The following YIF1B variants were observed in gnomAD, a reference collection of about 807,000 sequenced individuals.
YIF1B encodes Yip1 interacting factor homolog B, membrane trafficking protein, also known as protein YIF1B.
Under a neutral mutation model 34.6 loss-of-function variants are expected in YIF1B, and 24 were observed. That is an observed-to-expected ratio of 0.69 (90% CI 0.50 to 0.98). YIF1B has a LOEUF of 0.98. YIF1B is among the 50% of genes least tolerant of loss of function. The probability of loss-of-function intolerance (pLI) is 0.00; values close to 1 mark genes in which losing one functional copy is unlikely to be tolerated. For synonymous variants in YIF1B, 186 were observed against 184.8 expected, an observed-to-expected ratio of 1.01 and a Z score of -0.05; for missense variants, 368 against 429.4, an observed-to-expected ratio of 0.86 and a Z score of 1.26.
In YIF1B at chr19:38,305,312, CCAG is replaced by C. The variant is rs759589096; in HGVS notation, c.*37_*39del. 1,360 of 1,540,234 alleles carry C rather than the reference CCAG, an allele frequency of 8.8e-4. No individual in the cohort carries two copies. Among genetic ancestry groups the C allele is most frequent in the South Asian group, 2.5e-3 (208 of 82,432 alleles). On this transcript the variant is annotated 3_prime_UTR_variant, in exon 8 of 8. Transcript: ENST00000339413. ...ATGAGTTCGGCGGCCACAGTGGCCC[CCAG>C]CAGCAGCAGCAGCAGCGGGAGGTTC...
chr19:38,304,446 A>G lies in YIF1B; in HGVS notation c.*906T>C. The G allele has an allele frequency of 1.3e-6, 2 of 1,559,040 alleles. No homozygotes were observed. Among genetic ancestry groups the G allele is most frequent in the Non-Finnish European group, 1.7e-6 (2 of 1,152,036 alleles). ...GGGAGATCCCAAGCTCAGTCCCCACAAAGTTCAGGGCCGGTCGGAGGCAGG... is the reference window on the plus strand; with the variant it reads ...GGGAGATCCCAAGCTCAGTCCCCACGAAGTTCAGGGCCGGTCGGAGGCAGG... On this transcript the variant is annotated 3_prime_UTR_variant, in exon 8 of 8. Transcript: ENST00000339413.
At chr19:38,320,151 G>A (rs1969632331), upstream of YIF1B, 1 of 1,595,554 alleles carries the variant, frequency 6.3e-7, no homozygotes, top group Non-Finnish European at 8.5e-7. Context: ...AGCGAGTGCT[G>A]GCGGCCGGAC....
chr19:38,308,198 G>A (rs1414188965), intron 5 of YIF1B, among the ~76,000 whole-genome samples: 1 of 152,198 alleles, frequency 6.6e-6, no homozygotes. Context: ...GGGGCAGGAA[G>A]GCTTCCCGGA....
At chr19:38,315,663 T>C (rs1969516659) in intron 1 of YIF1B, 197 bp downstream of exon 1, 3 of 1,585,748 alleles carry the variant, frequency 1.9e-6, no homozygotes, top group East Asian at 2.3e-5. Flanking sequence ...CAGTCCCAAG[T>C]TGTTTTCTTC....
At chr19:38,315,697 C>T (rs1005056056) in intron 1 of YIF1B, 163 bp downstream of exon 1, 1 of 1,606,128 alleles carries the variant, frequency 6.2e-7, no homozygotes, top group Admixed American at 1.7e-5. Context: ...TAAAGAATCG[C>T]CCCCCAAGGG....
upstream of YIF1B, among the ~76,000 whole-genome samples, chr19:38,317,495 A>G (rs996057000): frequency 6.6e-6 from 1 of 151,060 alleles, no homozygotes; most frequent in Non-Finnish European, 1.5e-5. Flanking sequence ...GGGCTCCAAC[A>G]CCATTTTCTC....
chr19:38,314,281 A>G (rs1221571711), intron 1 of YIF1B, among the ~76,000 whole-genome samples: 2 of 135,064 alleles, frequency 1.5e-5, no homozygotes, highest in Non-Finnish European at 1.6e-5. Context: ...TGCACCCTCC[A>G]CCTCCCAGGT....
chr19:38,309,083 A>C, intron 3 of YIF1B, 26 bp from the exon 4 acceptor site: 1 of 1,553,112 alleles, frequency 6.4e-7, no homozygotes, highest in Non-Finnish European at 8.7e-7. Context: ...GACGGGCAGG[A>C]CCCTCAGAGC....
upstream of YIF1B, among the ~76,000 whole-genome samples, chr19:38,318,230 T>G (rs963239536): frequency 1.3e-4 from 19 of 141,226 alleles, no homozygotes; most frequent in Admixed American, 1.1e-3. Context: ...AGCAAGTTCA[T>G]TAGTTCATTG....
At chr19:38,313,660 A>G (rs1185730827) in intron 1 of YIF1B, among the ~76,000 whole-genome samples, 1 of 152,246 alleles carries the variant, frequency 6.6e-6, no homozygotes, top group Non-Finnish European at 1.5e-5. Flanking sequence ...TAGGCCCTGC[A>G]TGACCCACTC....
upstream of YIF1B, chr19:38,320,172 G>A (rs372657213): frequency 2.5e-6 from 4 of 1,599,296 alleles, no homozygotes; most frequent in Admixed American, 5.0e-5. Flanking sequence ...GGCTGGGGCG[G>A]GTCGTGCTTG....
upstream of YIF1B, among the ~76,000 whole-genome samples, chr19:38,318,193 CAAAAAAAAA>C (rs35748833): frequency 2.3e-4 from 7 of 29,874 alleles, no homozygotes; most frequent in African/African-American, 2.9e-4. Flanking sequence ...ACTCTTGTCT[CAAAAAAAAA>C]AAAAAAAAAA....
chr19:38,318,195 A>G (rs1223339115), upstream of YIF1B, among the ~76,000 whole-genome samples: 1 of 125,616 alleles, frequency 8.0e-6, no homozygotes, highest in African/African-American at 3.0e-5. Flanking sequence ...TCTTGTCTCA[A>G]AAAAAAAAAA....
At chr19:38,316,075 T>A, upstream of YIF1B, 1 of 1,100,360 alleles carries the variant, frequency 9.1e-7, no homozygotes, top group Non-Finnish European at 1.2e-6. Flanking sequence ...CACGGAGGCC[T>A]GGACGACTGG....
In YIF1B at chr19:38,303,760, G is replaced by A. The variant is rs553792602; in HGVS notation, c.*1592C>T. 1.3e-4 allele frequency among the ~76,000 whole-genome samples: 20 copies of A among 152,314 alleles called. No individual in the cohort carries two copies. The highest frequency in any genetic ancestry group is 3.8e-4 in the African/African-American group (16 of 41,572). ...ACCTTGCTGCTAAGTGACACAGCTGGCATCTAGTGCAGCAGGCTGGCTCCA... is the reference window on the plus strand; with the variant it reads ...ACCTTGCTGCTAAGTGACACAGCTGACATCTAGTGCAGCAGGCTGGCTCCA... On this transcript the variant is annotated 3_prime_UTR_variant, in exon 8 of 8. Transcript: ENST00000339413.
chr19:38,305,576 G>A (rs781636528), intron 7 of YIF1B, 69 bp from the exon 8 acceptor site: 2 of 1,508,452 alleles, frequency 1.3e-6, no homozygotes, highest in Admixed American at 2.1e-5. Context: ...GTGAGAGCCC[G>A]GACATACTTC....
intron 7 of YIF1B, among the ~76,000 whole-genome samples, chr19:38,306,396 A>G (rs1195671141): frequency 6.6e-6 from 1 of 151,870 alleles, no homozygotes; most frequent in Non-Finnish European, 1.5e-5. Context: ...ATTTTTTTAG[A>G]GATGGGGTCT....
chr19:38,315,553 G>A (rs1180468760), intron 1 of YIF1B: 15 of 1,463,614 alleles, frequency 1.0e-5, no homozygotes, highest in Non-Finnish European at 1.3e-5. Flanking sequence ...GCGACAGCAG[G>A]CGGGTACTGG....
At position 38,304,398 on chromosome 19, in the gene YIF1B, C is replaced by A. The variant is rs149154861; in HGVS notation, c.*954G>T. The A allele has an allele frequency of 5.5e-5, 86 of 1,575,560 alleles. No individual in the cohort carries two copies. In the Admixed American group the frequency reaches 1.5e-3, roughly 28 times the overall value. ...AGCCCTGGAGCCCACCTCCCAGAAG[C>A]CCGGTGTGGGGGCGGGCCACGGGGG... On this transcript the variant is annotated 3_prime_UTR_variant, in exon 8 of 8. Coordinates refer to ENST00000339413, the MANE Select transcript of YIF1B (RefSeq NM_001039672.3).
Sources: allele counts gnomAD v4.1 joint callset (sites outside exome capture counted in the v4.1 genomes callset), GRCh38; gene constraint gnomAD v4.1.1; transcripts MANE v1.5; gene names NCBI Gene and HGNC (gene_info 2026-07-23, HGNC 2026-07-21).